KIAA1217: variants seen among roughly 807,000 people sequenced by gnomAD.
KIAA1217 encodes KIAA1217, also known as sickle tail protein homolog.
A neutral mutation model predicts 163.9 loss-of-function variants in KIAA1217; 88 were observed. That is an observed-to-expected ratio of 0.54 (90% confidence interval 0.45 to 0.64). KIAA1217 has a LOEUF of 0.64. Ranked by LOEUF, KIAA1217 falls within the 30% of genes least tolerant of loss-of-function variation. KIAA1217 has a pLI of 0.00. For synonymous variants in KIAA1217, 903 were observed against 923.1 expected, an observed-to-expected ratio of 0.98 and a Z score of 0.39; for missense variants, 2,372 against 2,475.0, an observed-to-expected ratio of 0.96 and a Z score of 0.88.
intron 1 of KIAA1217, among the ~76,000 whole-genome samples, chr10:23,934,566 T>C (rs1329058898): frequency 1.3e-5 from 1 of 74,162 alleles, no homozygotes; most frequent in Non-Finnish European, 2.2e-5. Flanking sequence ...AGTATATATA[T>C]ATATATATAT....
intron 2 of KIAA1217, among the ~76,000 whole-genome samples, chr10:24,327,988 A>T (rs1345553608): frequency 6.6e-6 from 1 of 152,098 alleles, no homozygotes; most frequent in Non-Finnish European, 1.5e-5. Flanking sequence ...CCAGAGGCTA[A>T]ATATTCATGT....
intron 20 of KIAA1217, 156 bp from the exon 21 acceptor site, chr10:24,545,671 C>T: frequency 6.9e-7 from 1 of 1,445,476 alleles, no homozygotes; most frequent in Non-Finnish European, 9.1e-7. Flanking sequence ...CTACCAGGTC[C>T]AGTAGAGCAC....
chr10:24,000,655 G>A (rs1324940865), intron 1 of KIAA1217, among the ~76,000 whole-genome samples: 1 of 152,170 alleles, frequency 6.6e-6, no homozygotes, highest in Admixed American at 6.5e-5. Flanking sequence ...GGCACAAGTG[G>A]TGATCTGAAC....
intron 1 of KIAA1217, among the ~76,000 whole-genome samples, chr10:23,702,739 A>T (rs1226797549): frequency 6.6e-6 from 1 of 152,082 alleles, no homozygotes. Context: ...TGTATGATAC[A>T]TATATAAAAC....
chr10:24,082,029 G>A (rs1005827161), intron 2 of KIAA1217, among the ~76,000 whole-genome samples: 2 of 152,116 alleles, frequency 1.3e-5, no homozygotes, highest in African/African-American at 4.8e-5. Flanking sequence ...ACTCAATCTG[G>A]CATTCATGTC....
At chr10:24,270,517 C>T (rs576538197) in intron 2 of KIAA1217, among the ~76,000 whole-genome samples, 3 of 152,142 alleles carry the variant, frequency 2.0e-5, no homozygotes, top group South Asian at 2.1e-4. Context: ...TAACAGCAAT[C>T]GATTAAGCTA....
chr10:24,458,107 G>A (rs1160964027), intron 5 of KIAA1217, among the ~76,000 whole-genome samples: 1 of 152,204 alleles, frequency 6.6e-6, no homozygotes, highest in African/African-American at 2.4e-5. Flanking sequence ...AAAAGGCATG[G>A]CAGGGCGTGG....
chr10:24,200,660 T>G (rs1050145084), intron 2 of KIAA1217, among the ~76,000 whole-genome samples: 8 of 152,278 alleles, frequency 5.3e-5, no homozygotes, highest in African/African-American at 1.7e-4. Context: ...TCGCTATATA[T>G]TTCATATTCG....
rs116803117 is a variant in KIAA1217, at chr10:24,309,809, C to T, written c.355-71060C>T. 2.0e-3 allele frequency among the ~76,000 whole-genome samples: 304 copies of T among 152,270 alleles called. 1 individual carries two copies. The highest frequency in any genetic ancestry group is 6.7e-3 in the African/African-American group (279 of 41,554). ...CTTGCGTGCACCCAGCACAGGGTGG[C>T]TCTTCCCTGGTTAATTTCCACCCTG... On this transcript the variant is annotated intron_variant, in intron 2 of 20. Transcript: ENST00000376454.
chr10:24,504,724 A>G (rs977939084), intron 9 of KIAA1217, among the ~76,000 whole-genome samples: 25 of 152,376 alleles, frequency 1.6e-4, no homozygotes, highest in African/African-American at 6.0e-4. Context: ...AGCCAGCTCC[A>G]GTAATTAGAT....
At chr10:24,049,030 C>CAAAAA (rs59235039) in intron 2 of KIAA1217, among the ~76,000 whole-genome samples, 1 of 86,190 alleles carries the variant, frequency 1.2e-5, no homozygotes, top group African/African-American at 4.4e-5. Context: ...TACTCTGTCT[C>CAAAAA]AAAAAAAAAA....
chr10:23,923,599 G>A (rs1434354445), intron 1 of KIAA1217, among the ~76,000 whole-genome samples: 1 of 151,942 alleles, frequency 6.6e-6, no homozygotes, highest in African/African-American at 2.4e-5. Context: ...CAGAGATGGA[G>A]AGATGTGTCG....
chr10:24,097,124 C>T (rs756276400), intron 2 of KIAA1217, among the ~76,000 whole-genome samples: 1 of 152,112 alleles, frequency 6.6e-6, no homozygotes, highest in Non-Finnish European at 1.5e-5. Context: ...AAACCAACAA[C>T]ACTATTATAA....
At chr10:24,506,336 G>A (rs2068358653) in intron 9 of KIAA1217, among the ~76,000 whole-genome samples, 1 of 152,186 alleles carries the variant, frequency 6.6e-6, no homozygotes, top group Non-Finnish European at 1.5e-5. Flanking sequence ...AAGACTGATA[G>A]TCTTAGATTT....
At chr10:24,193,122 T>C (rs2066805881) in intron 2 of KIAA1217, among the ~76,000 whole-genome samples, 1 of 152,156 alleles carries the variant, frequency 6.6e-6, no homozygotes, top group African/African-American at 2.4e-5. Context: ...TCTTGCTATG[T>C]TGCCCAGGCT....
chr10:24,402,516 C>CAAAAAAA (rs372012492), intron 3 of KIAA1217, among the ~76,000 whole-genome samples: 1,202 of 92,416 alleles, frequency 0.013, 32 homozygotes, highest in South Asian at 0.046. Context: ...CTCAAAAAAA[C>CAAAAAAA]AAAAAACAAA....
intron 2 of KIAA1217, among the ~76,000 whole-genome samples, chr10:24,034,641 A>G (rs1848318038): frequency 6.6e-6 from 1 of 152,120 alleles, no homozygotes; most frequent in Non-Finnish European, 1.5e-5. Flanking sequence ...CTGGCCAGAA[A>G]GCAAGATCAG....
At chr10:23,736,553 C>T (rs995022844) in intron 1 of KIAA1217, among the ~76,000 whole-genome samples, 4 of 152,134 alleles carry the variant, frequency 2.6e-5, no homozygotes, top group East Asian at 1.9e-4. Flanking sequence ...GATGGGGTCT[C>T]GCTTTGTCAC....
intron 1 of KIAA1217, among the ~76,000 whole-genome samples, chr10:23,921,548 C>A (rs1397480460): frequency 1.3e-5 from 2 of 152,152 alleles, no homozygotes; most frequent in Non-Finnish European, 2.9e-5. Context: ...ATTTCTTAAG[C>A]TTTGCCAGGG....
Sources: allele counts gnomAD v4.1 joint callset (sites outside exome capture counted in the v4.1 genomes callset), GRCh38; gene constraint gnomAD v4.1.1; transcripts MANE v1.5; gene names NCBI Gene and HGNC (gene_info 2026-07-23, HGNC 2026-07-21).